The following TENM3 variants were observed in gnomAD, a reference collection of about 807,000 sequenced individuals.
TENM3 encodes teneurin-3.
A neutral mutation model predicts 255.1 loss-of-function variants in TENM3; 63 were observed. That is an observed-to-expected ratio of 0.25 (90% CI 0.20 to 0.30). The LOEUF (loss-of-function observed/expected upper bound fraction) is 0.30. Ranked by LOEUF, TENM3 falls within the 10% of genes least tolerant of loss-of-function variation. The probability of loss-of-function intolerance (pLI) is 1.00; values close to 1 mark genes in which losing one functional copy is unlikely to be tolerated. For missense variants in TENM3, 2,929 were observed against 3,461.1 expected, an observed-to-expected ratio of 0.85 and a Z score of 3.86; for synonymous variants, 1,306 against 1,322.3, an observed-to-expected ratio of 0.99 and a Z score of 0.27.
At chr4:181,773,370 G>C in the TENM3 span, among the ~76,000 whole-genome samples, 1 of 152,126 alleles carries the variant, frequency 6.6e-6, no homozygotes, top group Non-Finnish European at 1.5e-5. Context: ...TGCAGAATCC[G>C]ATCAGTATTT....
chr4:182,208,142 G>A (rs553027396), intron 1 of TENM3, among the ~76,000 whole-genome samples: 2 of 152,296 alleles, frequency 1.3e-5, no homozygotes, highest in African/African-American at 4.8e-5. Context: ...TTTTCTAGCA[G>A]GAGACTTTGT....
At chr4:182,538,069 T>C (rs539918063) in intron 3 of TENM3, among the ~76,000 whole-genome samples, 1 of 152,344 alleles carries the variant, frequency 6.6e-6, no homozygotes, top group Admixed American at 6.5e-5. Flanking sequence ...AATTGAATGC[T>C]TAAATATATA....
At chr4:181,643,982 A>G in the TENM3 span, among the ~76,000 whole-genome samples, 1 of 151,472 alleles carries the variant, frequency 6.6e-6, no homozygotes, top group African/African-American at 2.4e-5. Flanking sequence ...AGCCTGAGAC[A>G]GGAGAATCAC....
chr4:182,288,233 G>A (rs558055034), intron 1 of TENM3, among the ~76,000 whole-genome samples: 13 of 152,112 alleles, frequency 8.5e-5, no homozygotes, highest in South Asian at 4.2e-4. Context: ...ACTGCGGCTG[G>A]CCTATTTATT....
chr4:181,847,452 T>C, the TENM3 span, among the ~76,000 whole-genome samples: 1 of 152,162 alleles, frequency 6.6e-6, no homozygotes, highest in African/African-American at 2.4e-5. Flanking sequence ...ACCCTACTTA[T>C]GGGCTTTCTA....
At chr4:182,620,618 T>G (rs931668534) in intron 4 of TENM3, among the ~76,000 whole-genome samples, 10 of 152,230 alleles carry the variant, frequency 6.6e-5, no homozygotes, top group African/African-American at 2.4e-4. Context: ...CACCATTTGT[T>G]TGTAAGTAGT....
the TENM3 span, among the ~76,000 whole-genome samples, chr4:182,033,175 C>T: frequency 6.6e-6 from 1 of 152,040 alleles, no homozygotes; most frequent in Non-Finnish European, 1.5e-5. Context: ...TTGATGTGGA[C>T]ATTTAGTGCT....
intron 12 of TENM3, among the ~76,000 whole-genome samples, chr4:182,699,931 A>T (rs1405306663): frequency 6.6e-6 from 1 of 152,152 alleles, no homozygotes; most frequent in East Asian, 1.9e-4. Context: ...AGAAATAAAG[A>T]TAGAAAATGC....
the TENM3 span, among the ~76,000 whole-genome samples, chr4:181,656,165 C>T: frequency 6.6e-6 from 1 of 152,042 alleles, no homozygotes; most frequent in African/African-American, 2.4e-5. Context: ...CTTCTGTCAC[C>T]CCATTAATCA....
the TENM3 span, among the ~76,000 whole-genome samples, chr4:182,064,163 G>A: frequency 6.6e-6 from 1 of 150,618 alleles, no homozygotes; most frequent in Non-Finnish European, 1.5e-5. Context: ...ATAATGCATG[G>A]AAAGTAATTT....
chr4:181,981,469 C>A, the TENM3 span, among the ~76,000 whole-genome samples: 1 of 151,986 alleles, frequency 6.6e-6, no homozygotes, highest in African/African-American at 2.4e-5. Flanking sequence ...ATATTCAAAT[C>A]TATTGAAACT....
intron 1 of TENM3, among the ~76,000 whole-genome samples, chr4:182,209,030 A>C (rs1258475793): frequency 6.9e-6 from 1 of 145,880 alleles, no homozygotes; most frequent in African/African-American, 2.6e-5. Context: ...GTGCGGTGGC[A>C]CAGTCTCAGC....
the TENM3 span, among the ~76,000 whole-genome samples, chr4:181,883,286 G>T: frequency 6.6e-6 from 1 of 152,088 alleles, no homozygotes; most frequent in Non-Finnish European, 1.5e-5. Context: ...GGGTGCACAC[G>T]TGTGTGTGTT....
At chr4:181,568,548 T>C in the TENM3 span, among the ~76,000 whole-genome samples, 2 of 152,098 alleles carry the variant, frequency 1.3e-5, no homozygotes, top group African/African-American at 4.8e-5. Flanking sequence ...TGCTTCCTCT[T>C]GCCATTGCAG....
intron 1 of TENM3, among the ~76,000 whole-genome samples, chr4:182,280,769 A>T (rs80058435): frequency 0.018 from 2,721 of 152,266 alleles, 71 homozygotes; most frequent in African/African-American, 0.059. Context: ...ACAAAAAGGG[A>T]TCTCTTCAAA....
intron 4 of TENM3, among the ~76,000 whole-genome samples, chr4:182,609,662 T>G (rs939701981): frequency 6.6e-6 from 1 of 152,212 alleles, no homozygotes; most frequent in African/African-American, 2.4e-5. Flanking sequence ...TGCTACCGTC[T>G]GGTCATGGTG....
At chr4:181,902,138 C>G in the TENM3 span, among the ~76,000 whole-genome samples, 4 of 113,958 alleles carry the variant, frequency 3.5e-5, no homozygotes, top group South Asian at 1.1e-3. Flanking sequence ...CACACACACA[C>G]ACTTATATAC....
chr4:182,241,518 C>CTTTTTTTTTTTTTTTTTTTTTTT (rs982739950), upstream of TENM3, among the ~76,000 whole-genome samples: 17 of 114,274 alleles, frequency 1.5e-4, no homozygotes, highest in African/African-American at 2.3e-4. Context: ...TTTTTTCTTT[C>CTTTTTTTTTTTTTTTTTTTTTTT]TTTTTTTTTT....
chr4:182,027,273 A>T, the TENM3 span, among the ~76,000 whole-genome samples: 292 of 152,180 alleles, frequency 1.9e-3, no homozygotes, highest in Non-Finnish European at 3.4e-3. Flanking sequence ...TTCTCTTCAG[A>T]TTGCTCACCG....
Sources: gnomAD v4.1 joint callset for allele counts (sites outside exome capture counted in the v4.1 genomes callset) on GRCh38, gnomAD v4.1.1 for gene constraint, MANE v1.5 for transcripts, NCBI Gene and HGNC (gene_info 2026-07-23, HGNC 2026-07-21) for gene names.